Variants in PRKN observed in about 807,000 individuals in gnomAD.
PRKN encodes parkin RBR E3 ubiquitin protein ligase.
A neutral mutation model predicts 59.5 loss-of-function variants in PRKN; 56 were observed. That is an observed-to-expected ratio of 0.94 (90% confidence interval 0.76 to 1.18). The LOEUF is 1.18. PRKN is among the 50% of genes most tolerant of loss of function. The probability of loss-of-function intolerance (pLI) is 0.00; values close to 1 mark genes in which losing one functional copy is unlikely to be tolerated. For missense variants in PRKN, 657 were observed against 596.4 expected (o/e 1.10, Z -1.06); for synonymous variants, 250 against 222.1 (o/e 1.13, Z -1.12).
At chr6:161,746,341 G>A (rs1054356354) in intron 7 of PRKN, among the ~76,000 whole-genome samples, 2 of 151,832 alleles carry the variant, frequency 1.3e-5, no homozygotes, top group Non-Finnish European at 2.9e-5. Flanking sequence ...GGGACTATCC[G>A]CAGATGGAGA....
chr6:162,546,574 G>C (rs556386811), intron 1 of PRKN, among the ~76,000 whole-genome samples: 1 of 151,766 alleles, frequency 6.6e-6, no homozygotes, highest in Non-Finnish European at 1.5e-5. Flanking sequence ...TTCCCAAGTA[G>C]CTGGGATTAC....
At chr6:161,793,168 A>T (rs1395268457) in intron 6 of PRKN, among the ~76,000 whole-genome samples, 1 of 152,210 alleles carries the variant, frequency 6.6e-6, no homozygotes, top group African/African-American at 2.4e-5. Context: ...TTAGAAATTA[A>T]CATAAGCTTC....
chr6:162,311,227 T>G (rs12214761), intron 2 of PRKN, among the ~76,000 whole-genome samples: 50,102 of 152,016 alleles, frequency 0.33, 10,019 homozygotes, highest in Non-Finnish European at 0.44. Context: ...AAGAATAGAT[T>G]TGTTAAAATA....
rs990254381 is a variant in PRKN at position 161,402,637 on chromosome 6, A to C, written c.1084-15760T>G. The stretch of plus-strand genomic sequence containing the variant: ...AGAAAGAGCATATTCAATTCTGTAC[A>C]CATGAGAGTCCCACAGAATATGAGA... On this transcript the variant is annotated intron_variant, in intron 9 of 11. Transcript: ENST00000366898. This position sits in a 1 kb window ranked among gnomAD's most constrained non-coding sequence, Gnocchi z 4.5. Among the ~76,000 whole-genome samples, 1 of 152,092 alleles carries C rather than the reference A, an allele frequency of 6.6e-6. No individual in the cohort carries two copies. Among genetic ancestry groups the C allele is most frequent in the African/African-American group, 2.4e-5 (1 of 41,378 alleles).
At chr6:161,820,761 AATAT>A (rs1425745964) in intron 6 of PRKN, among the ~76,000 whole-genome samples, 1 of 150,084 alleles carries the variant, frequency 6.7e-6, no homozygotes, top group African/African-American at 2.4e-5. Flanking sequence ...TATAAGCATA[AATAT>A]ATAAACAATT....
intron 6 of PRKN, among the ~76,000 whole-genome samples, chr6:161,853,299 T>A (rs960916007): frequency 2.0e-5 from 3 of 152,212 alleles, no homozygotes; most frequent in African/African-American, 7.2e-5. Flanking sequence ...GATGTAGTTT[T>A]CTGAATACAA....
At chr6:162,355,466 A>C (rs1215149505) in intron 2 of PRKN, among the ~76,000 whole-genome samples, 1 of 151,872 alleles carries the variant, frequency 6.6e-6, no homozygotes. Context: ...ACACACACAT[A>C]TATGATTTCT....
Position 162,612,125 on chromosome 6 carries a change from G to A in PRKN, c.7+115537C>T, listed in dbSNP as rs575409741. On this transcript the variant is annotated intron_variant, in intron 1 of 11. Coordinates refer to ENST00000366898, the MANE Select transcript of PRKN (RefSeq NM_004562.3). ...GGAGAATGGCGTGAACCCGGGAGGC[G>A]GAGCTTGCAGTGAGCTGAGATCGCG... Among the ~76,000 whole-genome samples, 13 of 149,932 alleles carry A rather than the reference G, an allele frequency of 8.7e-5. No homozygotes were observed. In the South Asian group the frequency reaches 1.1e-3, roughly 12 times the overall value.
At chr6:162,696,584 A>C (rs1377985743) in intron 1 of PRKN, among the ~76,000 whole-genome samples, 1 of 67,812 alleles carries the variant, frequency 1.5e-5, no homozygotes, top group South Asian at 3.4e-4. Context: ...CTTTTTTTTG[A>C]GATAGGGTCT....
In PRKN at chr6:162,588,466, A is replaced by G. The variant is rs549506625; in HGVS notation, c.7+139196T>C. Among the ~76,000 whole-genome samples, 11 of 152,254 alleles carry G rather than the reference A, an allele frequency of 7.2e-5. No homozygotes were observed. In the South Asian group the frequency reaches 1.9e-3, roughly 26 times the overall value. On this transcript the variant is annotated intron_variant, in intron 1 of 11. Transcript: ENST00000366898. ...GAGTTTCCCAGGAAATGGGAACTTC[A>G]TAACACTGTCCAGCCAGGTGGGCAC...
chr6:162,667,259 T>C (rs1396932470), intron 1 of PRKN, among the ~76,000 whole-genome samples: 1 of 152,084 alleles, frequency 6.6e-6, no homozygotes, highest in Non-Finnish European at 1.5e-5. Flanking sequence ...AAACAAGTCT[T>C]GCTTCCTTGC....
At position 161,527,656 on chromosome 6, in the gene PRKN, A is replaced by T. The variant is rs1418453183; in HGVS notation, c.1083+21198T>A. On this transcript the variant is annotated intron_variant, in intron 9 of 11. Coordinates refer to ENST00000366898, the MANE Select transcript of PRKN (RefSeq NM_004562.3). This position sits in a 1 kb window ranked among gnomAD's most constrained non-coding sequence, Gnocchi z 4.6. ...CACGCACTGCATCTTCTTCCCTTGC[A>T]CTTCCTTTTACTACTAGAATGAGAG... 6.6e-6 allele frequency among the ~76,000 whole-genome samples: 1 copy of T among 152,204 alleles called. No individual in the cohort carries two copies.
intron 9 of PRKN, among the ~76,000 whole-genome samples, chr6:161,465,904 TC>T (rs1790441563): frequency 6.6e-6 from 1 of 152,250 alleles, no homozygotes; most frequent in Non-Finnish European, 1.5e-5. Flanking sequence ...TTACTTTTTT[TC>T]ACTTTGTGTT....
At chr6:161,624,015 T>C (rs1420154972) in intron 7 of PRKN, among the ~76,000 whole-genome samples, 2 of 152,224 alleles carry the variant, frequency 1.3e-5, no homozygotes, top group Non-Finnish European at 2.9e-5. Flanking sequence ...GAAGGAAGTC[T>C]TACTATGAAA....
rs952764535 is a variant in PRKN, at chr6:161,530,944, C to T, written c.1083+17910G>A. Among the ~76,000 whole-genome samples the T allele has an allele frequency of 6.6e-6, 1 of 152,212 alleles. No homozygotes were observed. Among genetic ancestry groups the T allele is most frequent in the East Asian group, 1.9e-4 (1 of 5,190 alleles). On this transcript the variant is annotated intron_variant, in intron 9 of 11. Transcript: ENST00000366898. The surrounding 1 kb of genome is among the most constrained non-coding windows in gnomAD (Gnocchi z 5.0). ...TCAAATCTTTACCAAAATCCTAACACATCAAATTTCAGTTTCATATTTTCA... is the reference window on the plus strand; with the variant it reads ...TCAAATCTTTACCAAAATCCTAACATATCAAATTTCAGTTTCATATTTTCA...
chr6:162,627,750 C>T (rs1486247399), intron 1 of PRKN, among the ~76,000 whole-genome samples: 2 of 152,230 alleles, frequency 1.3e-5, no homozygotes, highest in East Asian at 3.9e-4. Context: ...ACTTAAGGAA[C>T]TGTTTGGGCA....
intron 2 of PRKN, among the ~76,000 whole-genome samples, chr6:162,390,702 C>T (rs987894730): frequency 6.6e-6 from 1 of 152,020 alleles, no homozygotes; most frequent in African/African-American, 2.4e-5. Context: ...CTCGGCCTTC[C>T]AAAGTGCTGG....
intron 6 of PRKN, 132 bp from the exon 7 acceptor site, chr6:161,786,040 C>T (rs1252434744): frequency 1.2e-6 from 1 of 845,448 alleles, no homozygotes; most frequent in Non-Finnish European, 2.0e-6. Context: ...AGCTGCTAAG[C>T]ATTAAGCTCA....
chr6:161,666,217 T>C (rs527251760), intron 7 of PRKN, among the ~76,000 whole-genome samples: 27 of 152,336 alleles, frequency 1.8e-4, no homozygotes, highest in African/African-American at 6.0e-4. Context: ...GTCCGTAGCC[T>C]GTTAGGAACC....
Sources: allele counts gnomAD v4.1 joint callset (sites outside exome capture counted in the v4.1 genomes callset), GRCh38; gene constraint gnomAD v4.1.1; non-coding constraint Gnocchi (gnomAD v3.1); transcripts MANE v1.5; gene names NCBI Gene and HGNC (gene_info 2026-07-23, HGNC 2026-07-21).